ZNRF1: variants seen among roughly 807,000 people sequenced by gnomAD.
ZNRF1 encodes zinc and ring finger 1.
In ZNRF1, 3 loss-of-function variants were observed where a neutral mutation model predicts 18.4. That is an observed-to-expected ratio of 0.16 (90% confidence interval 0.07 to 0.42). The LOEUF (loss-of-function observed/expected upper bound fraction) is 0.42. Among genes scored for constraint, ZNRF1 ranks in the 10% least tolerant of loss-of-function variants. The pLI is 0.99. For synonymous variants in ZNRF1, 157 were observed against 144.2 expected (o/e 1.09, Z -0.64); for missense variants, 310 against 329.8 (o/e 0.94, Z 0.47).
chr16:75,022,567 A>G (rs1216757669), intron 1 of ZNRF1, among the ~76,000 whole-genome samples: 2 of 151,758 alleles, frequency 1.3e-5, no homozygotes, highest in Non-Finnish European at 2.9e-5. Context: ...CTCCGTCTCA[A>G]AAAAAAAACA....
intron 2 of ZNRF1, among the ~76,000 whole-genome samples, chr16:75,097,705 T>C (rs1438908015): frequency 6.6e-6 from 1 of 152,138 alleles, no homozygotes; most frequent in East Asian, 1.9e-4. Context: ...TAGTTCCAAC[T>C]TCTCAGGAGG....
chr16:75,003,061 C>T (rs2034873351), intron 1 of ZNRF1, among the ~76,000 whole-genome samples: 1 of 152,246 alleles, frequency 6.6e-6, no homozygotes, highest in Non-Finnish European at 1.5e-5. Flanking sequence ...TCAAGCAATT[C>T]TCCTGCCTCA....
In ZNRF1 at chr16:75,030,833, C is replaced by CTTTTT. The variant is rs59468839; in HGVS notation, c.424+30756_424+30760dup. Among the ~76,000 whole-genome samples, 39 of 91,408 alleles carry CTTTTT rather than the reference C, an allele frequency of 4.3e-4. 1 individual carries two copies. The highest frequency in any genetic ancestry group is 5.1e-4 in the African/African-American group (14 of 27,714). The allele number at this position is 91,408 out of a possible 152,430, so 60.0% of individuals were successfully genotyped here. A position where few individuals can be genotyped will look rare whatever the true frequency, so the allele number is the denominator to read the frequency against. The stretch of plus-strand genomic sequence containing the variant: ...CATTGTAGCATGCAGCACTTTATTC[C>CTTTTT]TTTTTTTTTTTTTTTTTTTTTTGTT... On this transcript the variant is annotated intron_variant, in intron 1 of 4. Transcript: ENST00000335325.
rs2035077603 is a variant in ZNRF1, at chr16:75,016,757, C to G, written c.424+16662C>G. On this transcript the variant is annotated intron_variant, in intron 1 of 4. Transcript: ENST00000335325. ...ATGGGGTTTCACCATGTTGGTCAGG[C>G]TGGTCTCGAACTCCTGACCTCAGGT... 3.0e-5 allele frequency among the ~76,000 whole-genome samples: 4 copies of G among 134,084 alleles called. No homozygotes were observed. The South Asian group carries it at 9.8e-4, about 33-fold the overall frequency. 88.0% of individuals were successfully genotyped at this position (134,084 alleles called of 152,430 possible).
At chr16:75,022,245 ACT>A (rs1385807397) in intron 1 of ZNRF1, among the ~76,000 whole-genome samples, 5 of 150,660 alleles carry the variant, frequency 3.3e-5, no homozygotes, top group Non-Finnish European at 7.4e-5. Context: ...ACAGAGCGAG[ACT>A]CTGTCTCAAA....
intron 1 of ZNRF1, among the ~76,000 whole-genome samples, chr16:75,004,857 C>T (rs529897299): frequency 4.6e-5 from 7 of 152,240 alleles, no homozygotes; most frequent in African/African-American, 1.7e-4. Flanking sequence ...TTTAAGCAAT[C>T]CTCCCACCTC....
At chr16:75,097,726 A>G (rs532035712) in intron 2 of ZNRF1, among the ~76,000 whole-genome samples, 1 of 152,338 alleles carries the variant, frequency 6.6e-6, no homozygotes, top group East Asian at 1.9e-4. Context: ...CTGAGGTGAG[A>G]GGATCACTTG....
intron 1 of ZNRF1, among the ~76,000 whole-genome samples, chr16:75,073,037 C>G (rs1470196094): frequency 6.6e-6 from 1 of 152,008 alleles, no homozygotes; most frequent in Non-Finnish European, 1.5e-5. Flanking sequence ...CGCCTGTAAT[C>G]CCATACTTTG....
chr16:75,055,526 T>C (rs1352506676), intron 1 of ZNRF1, among the ~76,000 whole-genome samples: 1 of 152,210 alleles, frequency 6.6e-6, no homozygotes, highest in Non-Finnish European at 1.5e-5. Flanking sequence ...CATTGGAGTC[T>C]TGGGTAGACT....
intron 1 of ZNRF1, among the ~76,000 whole-genome samples, chr16:75,047,684 T>C (rs1370454820): frequency 6.6e-6 from 1 of 152,216 alleles, no homozygotes; most frequent in Non-Finnish European, 1.5e-5. Context: ...TTTCCTAATA[T>C]AGATAATCAT....
At chr16:75,088,304 G>A (rs151072380) in intron 1 of ZNRF1, among the ~76,000 whole-genome samples, 16 of 152,278 alleles carry the variant, frequency 1.1e-4, no homozygotes, top group Middle Eastern at 3.4e-3. Flanking sequence ...CTAGCTGTCC[G>A]TGTTTTTTCT....
At position 75,049,811 on chromosome 16, in the gene ZNRF1, A is replaced by G. The variant is rs796073759; in HGVS notation, c.425-43761A>G. ...GTGCTGTTAGTACCATCCATAGACC[A>G]TATTCAGATCTCATCACTTTCACAT... On this transcript the variant is annotated intron_variant, in intron 1 of 4. Coordinates refer to ENST00000335325, the MANE Select transcript of ZNRF1 (RefSeq NM_032268.5). 2.0e-4 allele frequency among the ~76,000 whole-genome samples: 31 copies of G among 151,224 alleles called. 1 individual carries two copies. Among genetic ancestry groups the G allele is most frequent in the African/African-American group, 7.3e-4 (30 of 41,056 alleles).
chr16:75,038,592 T>A (rs1488827066), intron 1 of ZNRF1, among the ~76,000 whole-genome samples: 1 of 152,234 alleles, frequency 6.6e-6, no homozygotes, highest in African/African-American at 2.4e-5. Context: ...TGGACACTAT[T>A]GTTGCAACTA....
intron 1 of ZNRF1, among the ~76,000 whole-genome samples, chr16:75,050,497 G>T (rs1454867322): frequency 6.6e-6 from 1 of 151,996 alleles, no homozygotes. Context: ...CTGCACTCCA[G>T]CCTGGGCAAC....
At chr16:75,059,350 C>T (rs1218461540) in intron 1 of ZNRF1, among the ~76,000 whole-genome samples, 2 of 148,096 alleles carry the variant, frequency 1.4e-5, no homozygotes, top group Admixed American at 6.9e-5. Flanking sequence ...TCCGTTCAAG[C>T]GATTCTCCTG....
chr16:75,079,755 C>T lies in ZNRF1; in HGVS notation c.425-13817C>T, dbSNP rs564944399. Among the ~76,000 whole-genome samples, 3 of 152,310 alleles carry T rather than the reference C, an allele frequency of 2.0e-5. No individual in the cohort carries two copies. In the East Asian group the frequency reaches 5.8e-4, roughly 29 times the overall value. On this transcript the variant is annotated intron_variant, in intron 1 of 4. Transcript: ENST00000335325. Reference sequence around the variant, plus strand: ...GTTGTGGCCTACTGGACTGTGCCCTCTGGGTTCCAGCCTCCATCTACCTGT... The same window carrying T: ...GTTGTGGCCTACTGGACTGTGCCCTTTGGGTTCCAGCCTCCATCTACCTGT...
chr16:75,106,263 G>A, intron 3 of ZNRF1: 1 of 567,886 alleles, frequency 1.8e-6, no homozygotes. Context: ...CCCTGAGCCG[G>A]TACTGCTGCC....
At chr16:75,067,678 G>A (rs577600589) in intron 1 of ZNRF1, among the ~76,000 whole-genome samples, 1 of 152,240 alleles carries the variant, frequency 6.6e-6, no homozygotes, top group South Asian at 2.1e-4. Context: ...TTTAATATAC[G>A]ATAAAGGGGC....
intron 1 of ZNRF1, among the ~76,000 whole-genome samples, chr16:75,077,048 C>T: frequency 6.6e-6 from 1 of 152,154 alleles, no homozygotes; most frequent in Non-Finnish European, 1.5e-5. Flanking sequence ...ACTAAGATAT[C>T]CTGCTTCATA....
Sources: allele counts gnomAD v4.1 joint callset (sites outside exome capture counted in the v4.1 genomes callset), GRCh38; gene constraint gnomAD v4.1.1; transcripts MANE v1.5; gene names NCBI Gene and HGNC (gene_info 2026-07-23, HGNC 2026-07-21).